The following PHF21B variants were observed in gnomAD, a reference collection of about 807,000 sequenced individuals.
PHF21B encodes PHD finger protein 21B.
PHF21B carries 22 observed loss-of-function variants against 62.2 expected under a neutral mutation model. That is an observed-to-expected ratio of 0.35 (90% CI 0.25 to 0.51). The LOEUF is 0.51. Ranked by LOEUF, PHF21B falls within the 20% of genes least tolerant of loss-of-function variation. PHF21B has a pLI of 0.97. For synonymous variants in PHF21B, 341 were observed against 314.7 expected (o/e 1.08, Z -0.88); for missense variants, 701 against 707.9 (o/e 0.99, Z 0.11).
chr22:44,929,513 C>A (rs552014168), intron 2 of PHF21B, among the ~76,000 whole-genome samples: 2 of 152,238 alleles, frequency 1.3e-5, no homozygotes, highest in Non-Finnish European at 2.9e-5. Flanking sequence ...GCGTTTACCA[C>A]CATGCCCGGT....
At chr22:44,934,462 T>A (rs1376762681) in intron 2 of PHF21B, among the ~76,000 whole-genome samples, 1 of 151,954 alleles carries the variant, frequency 6.6e-6, no homozygotes, top group East Asian at 1.9e-4. Context: ...AGGGACAACA[T>A]CGTCCCAGGC....
intron 2 of PHF21B, among the ~76,000 whole-genome samples, chr22:44,996,894 A>T (rs1224064731): frequency 2.0e-5 from 3 of 152,032 alleles, no homozygotes; most frequent in Non-Finnish European, 4.4e-5. Context: ...AAGCATACAC[A>T]AACGTGTGCA....
Position 44,893,495 on chromosome 22 carries a change from T to C in PHF21B, c.922A>G (p.Thr308Ala). Residue 308 changes from threonine to alanine, a missense_variant, in exon 7 of 13, where the codon ACA (threonine) becomes GCA (alanine). Coordinates refer to ENST00000313237, the MANE Select transcript of PHF21B (RefSeq NM_138415.5). ...SKRQERKRRS[T>A]ANPAYSGLLE... ...AGGCCGCTGTAGGCAGGGTTGGCTG[T>C]GCTTCTTCTCTTCCGCTCCTGTCGC... The C allele has an allele frequency of 6.2e-7, 1 of 1,604,464 alleles. No individual in the cohort carries two copies. Among genetic ancestry groups the C allele is most frequent in the Non-Finnish European group, 8.5e-7 (1 of 1,175,790 alleles).
At chr22:44,963,578 G>A (rs1569258522) in intron 2 of PHF21B, among the ~76,000 whole-genome samples, 2 of 152,156 alleles carry the variant, frequency 1.3e-5, no homozygotes, top group African/African-American at 2.4e-5. Context: ...AGAAGAGAAC[G>A]GATAAGAAGA....
chr22:44,985,346 T>G (rs1267178020), intron 2 of PHF21B, among the ~76,000 whole-genome samples: 1 of 152,218 alleles, frequency 6.6e-6, no homozygotes, highest in East Asian at 1.9e-4. Context: ...GGGTCTGATT[T>G]GCCACCAAGT....
intron 7 of PHF21B, among the ~76,000 whole-genome samples, chr22:44,892,127 T>C (rs1025983302): frequency 1.3e-5 from 2 of 152,196 alleles, no homozygotes; most frequent in Admixed American, 1.3e-4. Flanking sequence ...TGCATTTTCA[T>C]GAACGAACAA....
chr22:44,914,131 G>C (rs1052359700), intron 4 of PHF21B, 43 bp from the exon 5 acceptor site: 2 of 604,954 alleles, frequency 3.3e-6, no homozygotes. Context: ...AGGGAAGAGT[G>C]AGGGGGGCTG....
At chr22:44,996,842 G>A (rs970254322) in intron 2 of PHF21B, among the ~76,000 whole-genome samples, 11 of 151,644 alleles carry the variant, frequency 7.3e-5, no homozygotes, top group Admixed American at 3.3e-4. Flanking sequence ...GGGCACACAC[G>A]AACACATGCA....
chr22:44,985,467 G>A (rs1846390553), intron 2 of PHF21B, among the ~76,000 whole-genome samples: 1 of 152,106 alleles, frequency 6.6e-6, no homozygotes, highest in Non-Finnish European at 1.5e-5. Context: ...GGGTGTGGTG[G>A]CTCACGTTTG....
In PHF21B at chr22:44,950,418, A is replaced by G. The variant is rs150404491; in HGVS notation, c.121-29928T>C. ...GCAGTCTCTCTCAAAAGTTCACGAC[A>G]GATGTCCTTAGCAGCAGCAGGCAGG... On this transcript the variant is annotated intron_variant, in intron 2 of 12. Transcript: ENST00000313237. 4.6e-5 allele frequency among the ~76,000 whole-genome samples: 7 copies of G among 152,350 alleles called. No individual in the cohort carries two copies. The East Asian group carries it at 1.3e-3, about 29-fold the overall frequency.
rs1264570322 is a variant in PHF21B at position 44,933,175 on chromosome 22, C to T, written c.121-12685G>A. On this transcript the variant is annotated intron_variant, in intron 2 of 12. Transcript: ENST00000313237. ...TCACCCAGGCTGGAGTGCACTGGCACATCTCGGCTTGCTGCAACTTCTGCC... is the reference window on the plus strand; with the variant it reads ...TCACCCAGGCTGGAGTGCACTGGCATATCTCGGCTTGCTGCAACTTCTGCC... 5.3e-5 allele frequency among the ~76,000 whole-genome samples: 8 copies of T among 151,226 alleles called. No individual in the cohort carries two copies. In the South Asian group the frequency reaches 1.5e-3, roughly 28 times the overall value.
chr22:44,887,100 G>A (rs1373362135), intron 10 of PHF21B, among the ~76,000 whole-genome samples: 1 of 148,446 alleles, frequency 6.7e-6, no homozygotes, highest in African/African-American at 2.5e-5. Flanking sequence ...AGGTGGCAGT[G>A]AGCTGAGATC....
At chr22:45,004,789 G>A (rs536441734) in intron 2 of PHF21B, among the ~76,000 whole-genome samples, 5 of 152,194 alleles carry the variant, frequency 3.3e-5, no homozygotes, top group Admixed American at 2.0e-4. Flanking sequence ...TCTCAGCGCT[G>A]GGCGCGCACA....
In PHF21B at chr22:44,979,081, C is replaced by G. The variant is rs967092051; in HGVS notation, c.120+29464G>C. On this transcript the variant is annotated intron_variant, in intron 2 of 12. Coordinates refer to ENST00000313237, the MANE Select transcript of PHF21B (RefSeq NM_138415.5). ...CCCTTTCCAGCACCCCTAGACCTCG[C>G]TGCCACGTGGCTCAGGCAGCTCCAG... Among the ~76,000 whole-genome samples, 8 of 152,384 alleles carry G rather than the reference C, an allele frequency of 5.2e-5. No individual in the cohort carries two copies. In the East Asian group the frequency reaches 1.5e-3, roughly 29 times the overall value.
chr22:44,930,905 T>C (rs1161676571), intron 2 of PHF21B, among the ~76,000 whole-genome samples: 3 of 152,174 alleles, frequency 2.0e-5, no homozygotes, highest in Non-Finnish European at 4.4e-5. Flanking sequence ...CCCTTCCCCA[T>C]CCTGAATCCT....
In PHF21B at chr22:44,881,401, A is replaced by G. The variant is rs1349819708; in HGVS notation, c.*1685T>C. On this transcript the variant is annotated 3_prime_UTR_variant, in exon 13 of 13. Coordinates refer to ENST00000313237, the MANE Select transcript of PHF21B (RefSeq NM_138415.5). ...CATCCGCGAAGAAAACCAAACCAAC[A>G]GAAAAGGAAGCTGAAGACATGGACA... 1 of 152,684 alleles carries G rather than the reference A, an allele frequency of 6.5e-6. No homozygotes were observed. Among genetic ancestry groups the G allele is most frequent in the African/African-American group, 2.4e-5 (1 of 41,460 alleles). 9.5% of individuals were successfully genotyped at this position (152,684 alleles called of 1,614,324 possible). A position where few individuals can be genotyped will look rare whatever the true frequency, so the allele number is the denominator to read the frequency against.
At chr22:45,003,099 C>T (rs555861045) in intron 2 of PHF21B, 2 of 152,378 alleles carry the variant, frequency 1.3e-5, no homozygotes, top group African/African-American at 4.8e-5. Flanking sequence ...TGTTGGGTTT[C>T]CAAGGGCAGG....
intron 5 of PHF21B, among the ~76,000 whole-genome samples, chr22:44,898,387 C>G (rs1036251936): frequency 6.6e-6 from 1 of 152,144 alleles, no homozygotes; most frequent in South Asian, 2.1e-4. Flanking sequence ...TGACTCATAG[C>G]TGCTGGTGAC....
intron 5 of PHF21B, among the ~76,000 whole-genome samples, chr22:44,902,632 C>T (rs2071180272): frequency 6.6e-6 from 1 of 152,084 alleles, no homozygotes; most frequent in South Asian, 2.1e-4. Flanking sequence ...GGTTAATTCT[C>T]TCCAGTAATT....
Sources: gnomAD v4.1 joint callset for allele counts (sites outside exome capture counted in the v4.1 genomes callset) on GRCh38, gnomAD v4.1.1 for gene constraint, MANE v1.5 for transcripts, NCBI Gene and HGNC (gene_info 2026-07-23, HGNC 2026-07-21) for gene names.